Variants in ZFHX3 observed in about 807,000 individuals in gnomAD.
ZFHX3 encodes the protein zinc finger homeobox protein 3.
In ZFHX3, 42 loss-of-function variants were observed where a neutral mutation model predicts 279.1. That is an observed-to-expected ratio of 0.15 (90% CI 0.12 to 0.19). The LOEUF is 0.19. ZFHX3 is among the 10% of genes least tolerant of loss of function. The pLI is 1.00. For synonymous variants in ZFHX3, 2,293 were observed against 1,957.8 expected (o/e 1.17, Z -4.52); for missense variants, 4,981 against 4,754.0 (o/e 1.05, Z -1.40).
chr16:73,275,433 C>A (rs561732722), intron 4 of ZFHX3, among the ~76,000 whole-genome samples: 124 of 152,068 alleles, frequency 8.2e-4, no homozygotes, highest in African/African-American at 2.4e-3. Flanking sequence ...GCTCAGGGGA[C>A]AAGATCACAT....
chr16:72,990,934 C>T (rs374365836), intron 1 of ZFHX3, among the ~76,000 whole-genome samples: 1 of 151,536 alleles, frequency 6.6e-6, no homozygotes, highest in African/African-American at 2.4e-5. Flanking sequence ...GAACCAAGAT[C>T]GCGTCACTGC....
chr16:73,523,915 A>C (rs1453630254), intron 2 of ZFHX3, among the ~76,000 whole-genome samples: 1 of 152,200 alleles, frequency 6.6e-6, no homozygotes, highest in Non-Finnish European at 1.5e-5. Flanking sequence ...ACTGATTTTG[A>C]AAACTTCAGA....
chr16:73,665,693 G>A (rs1023239058), intron 2 of ZFHX3, among the ~76,000 whole-genome samples: 2 of 151,648 alleles, frequency 1.3e-5, no homozygotes, highest in Non-Finnish European at 2.9e-5. Context: ...AAAAGCAGAT[G>A]AGATACAAAT....
intron 2 of ZFHX3, among the ~76,000 whole-genome samples, chr16:73,515,579 A>G (rs112422795): frequency 9.9e-5 from 15 of 151,910 alleles, no homozygotes; most frequent in African/African-American, 3.4e-4. Context: ...AGAAAGAAAG[A>G]GGGAGAGAGA....
chr16:73,140,367 T>G lies in ZFHX3; in HGVS notation c.-1024+3385A>C, dbSNP rs548757083. ...TTCAAGAGTTGGATTATAATCTGGC[T>G]GTGATCAAAGTGCTCATTAAGAGGA... On this transcript the variant is annotated intron_variant, in intron 6 of 17. Transcript: ENST00000641206. Among the ~76,000 whole-genome samples the G allele has an allele frequency of 2.0e-5, 3 of 152,284 alleles. No individual in the cohort carries two copies. The East Asian group carries it at 5.8e-4, about 29-fold the overall frequency.
At chr16:73,117,241 T>C (rs535471074) in intron 7 of ZFHX3, among the ~76,000 whole-genome samples, 34 of 152,236 alleles carry the variant, frequency 2.2e-4, no homozygotes, top group African/African-American at 7.7e-4. Flanking sequence ...CCTTCCTCTT[T>C]CAACAGAATA....
chr16:73,056,092 T>G (rs763779636), intron 1 of ZFHX3, among the ~76,000 whole-genome samples: 1 of 152,330 alleles, frequency 6.6e-6, no homozygotes, highest in South Asian at 2.1e-4. Context: ...GGAAGGCTGC[T>G]GGCCTAGAGT....
At chr16:73,204,194 G>A (rs1162896770) in intron 5 of ZFHX3, among the ~76,000 whole-genome samples, 1 of 151,908 alleles carries the variant, frequency 6.6e-6, no homozygotes, top group African/African-American at 2.4e-5. Flanking sequence ...CTATGGGTCG[G>A]GGGTAGGGGG....
chr16:73,440,012 C>T (rs1405746081), intron 3 of ZFHX3, among the ~76,000 whole-genome samples: 3 of 149,808 alleles, frequency 2.0e-5, no homozygotes, highest in African/African-American at 2.5e-5. Flanking sequence ...TGGAGGAACA[C>T]GCATGGCTGT....
chr16:72,827,146 C>T (rs868307795), intron 5 of ZFHX3, among the ~76,000 whole-genome samples: 10 of 152,188 alleles, frequency 6.6e-5, no homozygotes, highest in Admixed American at 2.0e-4. Flanking sequence ...AAACATCATT[C>T]GCACGATCCC....
chr16:73,561,458 T>C (rs890082138), intron 2 of ZFHX3, among the ~76,000 whole-genome samples: 1 of 152,246 alleles, frequency 6.6e-6, no homozygotes, highest in Non-Finnish European at 1.5e-5. Flanking sequence ...AATACTTACA[T>C]ATCAAATTTA....
chr16:73,194,340 T>C (rs1283726024), intron 5 of ZFHX3, among the ~76,000 whole-genome samples: 1 of 152,002 alleles, frequency 6.6e-6, no homozygotes, highest in Non-Finnish European at 1.5e-5. Context: ...GCTGGCACTA[T>C]AGGCGTGCAC....
At chr16:73,216,795 A>G (rs948439006) in intron 5 of ZFHX3, among the ~76,000 whole-genome samples, 2 of 152,044 alleles carry the variant, frequency 1.3e-5, no homozygotes, top group African/African-American at 4.8e-5. Context: ...AAGGACTCAA[A>G]TATTATCTGA....
At chr16:73,545,229 T>A (rs2020089535) in intron 2 of ZFHX3, among the ~76,000 whole-genome samples, 1 of 152,160 alleles carries the variant, frequency 6.6e-6, no homozygotes, top group African/African-American at 2.4e-5. Context: ...CATAAACCTA[T>A]CCTGTTGGCA....
chr16:73,890,027 A>G (rs1455261115), intron 1 of ZFHX3, among the ~76,000 whole-genome samples: 1 of 152,186 alleles, frequency 6.6e-6, no homozygotes, highest in African/African-American at 2.4e-5. Context: ...GTTATTGCAC[A>G]CATAACAATT....
At chr16:73,407,147 C>T (rs755741782) in intron 3 of ZFHX3, among the ~76,000 whole-genome samples, 5 of 152,152 alleles carry the variant, frequency 3.3e-5, no homozygotes, top group Non-Finnish European at 7.4e-5. Context: ...AAGGATGCTG[C>T]TAAACATTCT....
At chr16:73,631,913 TCTCTCTCTCTCTCTCACA>T (rs1340823766) in intron 2 of ZFHX3, among the ~76,000 whole-genome samples, 1 of 106,740 alleles carries the variant, frequency 9.4e-6, no homozygotes, top group African/African-American at 3.4e-5. Flanking sequence ...TCTCTCTCTC[TCTCTCTCTCTCTCTCACA>T]CACACACACA....
chr16:73,135,535 G>T (rs1966773000), intron 6 of ZFHX3, among the ~76,000 whole-genome samples: 2 of 152,190 alleles, frequency 1.3e-5, no homozygotes, highest in South Asian at 4.1e-4. Context: ...GCCATTTTTA[G>T]TTCCGAATCG....
chr16:73,043,526 G>GA (rs1365047761), intron 1 of ZFHX3, among the ~76,000 whole-genome samples: 4 of 152,126 alleles, frequency 2.6e-5, no homozygotes, highest in Non-Finnish European at 4.4e-5. Context: ...GTCAAAGAAA[G>GA]AAAAAATCCC....
Sources: gnomAD v4.1 joint callset for allele counts (sites outside exome capture counted in the v4.1 genomes callset) on GRCh38, gnomAD v4.1.1 for gene constraint, MANE v1.5 for transcripts, NCBI Gene and HGNC (gene_info 2026-07-23, HGNC 2026-07-21) for gene names.